The following AGAP1 variants were observed in gnomAD, a reference collection of about 807,000 sequenced individuals.
AGAP1 encodes the protein arf-GAP with GTPase, ANK repeat and PH domain-containing protein 1.
AGAP1 carries 29 observed loss-of-function variants against 105.3 expected under a neutral mutation model. That is an observed-to-expected ratio of 0.28 (90% CI 0.21 to 0.38). AGAP1 has a LOEUF of 0.38. Among genes scored for constraint, AGAP1 ranks in the 10% least tolerant of loss-of-function variants. The pLI, the probability that AGAP1 is intolerant of heterozygous loss-of-function variation, is 1.00. For synonymous variants in AGAP1, 509 were observed against 485.9 expected, an observed-to-expected ratio of 1.05 and a Z score of -0.63; for missense variants, 998 against 1,165.1, an observed-to-expected ratio of 0.86 and a Z score of 2.09.
In AGAP1 at chr2:236,042,101, A is replaced by G. The variant is rs1421272518; in HGVS notation, c.1891+1260A>G. On this transcript the variant is annotated intron_variant, in intron 15 of 17. Transcript: ENST00000304032. This position sits in a 1 kb window ranked among gnomAD's most constrained non-coding sequence, Gnocchi z 5.6. ...AGCAGAGAGACATCATTGGAGTTTT[A>G]GAGCAGGAAGGAGATGGACCCTGAG... 6.6e-6 allele frequency among the ~76,000 whole-genome samples: 1 copy of G among 152,190 alleles called. No homozygotes were observed. The highest frequency in any genetic ancestry group is 1.5e-5 in the Non-Finnish European group (1 of 68,038).
chr2:235,575,666 G>T (rs1293536521), intron 1 of AGAP1, among the ~76,000 whole-genome samples: 1 of 152,248 alleles, frequency 6.6e-6, no homozygotes, highest in Non-Finnish European at 1.5e-5. Context: ...CCTGGAACCT[G>T]GGAGAAAGGG....
intron 1 of AGAP1, among the ~76,000 whole-genome samples, chr2:235,521,105 A>G (rs953349608): frequency 6.6e-6 from 1 of 152,214 alleles, no homozygotes; most frequent in Non-Finnish European, 1.5e-5. Context: ...TACAATTCTC[A>G]GAAGACAGCT....
Position 235,862,491 on chromosome 2 carries a change from G to A in AGAP1, c.1051-20854G>A, listed in dbSNP as rs138155123. Among the ~76,000 whole-genome samples, 333 of 152,308 alleles carry A rather than the reference G, an allele frequency of 2.2e-3. 1 individual carries two copies. Among genetic ancestry groups the A allele is most frequent in the Middle Eastern group, 6.8e-3 (2 of 294 alleles). On this transcript the variant is annotated intron_variant, in intron 9 of 17. Coordinates refer to ENST00000304032, the MANE Select transcript of AGAP1 (RefSeq NM_001037131.3). ...CGTTCTCATCCGTAGCAGAGACTGC[G>A]TGGAGTGCTGTGTTGAGAAGGCTTC...
chr2:235,735,487 C>A (rs1279547729), intron 3 of AGAP1, among the ~76,000 whole-genome samples: 3 of 152,174 alleles, frequency 2.0e-5, no homozygotes, highest in African/African-American at 4.8e-5. Context: ...TTACTTCCCC[C>A]AGCACCCCAA....
chr2:235,731,765 C>A (rs1435886937), intron 3 of AGAP1, among the ~76,000 whole-genome samples: 1 of 152,168 alleles, frequency 6.6e-6, no homozygotes, highest in African/African-American at 2.4e-5. Context: ...GAAACAGAGG[C>A]ACCAGAGGCC....
At chr2:235,807,014 C>A (rs1414948863) in intron 8 of AGAP1, among the ~76,000 whole-genome samples, 1 of 152,114 alleles carries the variant, frequency 6.6e-6, no homozygotes, top group South Asian at 2.1e-4. Context: ...AAAGATAATT[C>A]TGTGGTGGAA....
At chr2:236,022,934 T>C (rs1270083870) in intron 13 of AGAP1, among the ~76,000 whole-genome samples, 1 of 152,246 alleles carries the variant, frequency 6.6e-6, no homozygotes, top group Non-Finnish European at 1.5e-5. Context: ...GCTGACATCT[T>C]AGTGTGTGAG....
chr2:235,958,305 G>C lies in AGAP1; in HGVS notation c.1484-10157G>C, dbSNP rs777239229. On this transcript the variant is annotated intron_variant, in intron 12 of 17. Coordinates refer to ENST00000304032, the MANE Select transcript of AGAP1 (RefSeq NM_001037131.3). The surrounding 1 kb of genome is among the most constrained non-coding windows in gnomAD (Gnocchi z 4.1). ...CCTGAAATCCAGGCTCCAGGGTCAG[G>C]GAAGATCTGACCCGGGAGAGGATTA... 6.6e-6 allele frequency among the ~76,000 whole-genome samples: 1 copy of C among 152,052 alleles called. No individual in the cohort carries two copies. The highest frequency in any genetic ancestry group is 1.5e-5 in the Non-Finnish European group (1 of 68,018).
At position 235,801,738 on chromosome 2, in the gene AGAP1, G is replaced by A. The variant is rs895701976; in HGVS notation, c.957+2216G>A. On this transcript the variant is annotated intron_variant, in intron 8 of 17. Coordinates refer to ENST00000304032, the MANE Select transcript of AGAP1 (RefSeq NM_001037131.3). This position sits in a 1 kb window ranked among gnomAD's most constrained non-coding sequence, Gnocchi z 6.0. ...CGGCCTGTGCCCCGGGAGGAGGGGC[G>A]GGCTTGTCATCGTGGTGGTCGAGAA... Among the ~76,000 whole-genome samples, 13 of 152,254 alleles carry A rather than the reference G, an allele frequency of 8.5e-5. No individual in the cohort carries two copies. Among genetic ancestry groups the A allele is most frequent in the Admixed American group, 3.3e-4 (5 of 15,310 alleles).
intron 16 of AGAP1, among the ~76,000 whole-genome samples, chr2:236,111,634 T>C (rs1158331366): frequency 3.3e-5 from 5 of 151,152 alleles, no homozygotes; most frequent in African/African-American, 1.2e-4. Context: ...CTACAAAAAG[T>C]ACAAAAAATT....
At position 235,927,762 on chromosome 2, in the gene AGAP1, G is replaced by C. The variant is rs141651501; in HGVS notation, c.1325-3003G>C. 6.6e-6 allele frequency among the ~76,000 whole-genome samples: 1 copy of C among 152,160 alleles called. No homozygotes were observed. Among genetic ancestry groups the C allele is most frequent in the African/African-American group, 2.4e-5 (1 of 41,440 alleles). On this transcript the variant is annotated intron_variant, in intron 11 of 17. Coordinates refer to ENST00000304032, the MANE Select transcript of AGAP1 (RefSeq NM_001037131.3). The surrounding 1 kb of genome is among the most constrained non-coding windows in gnomAD (Gnocchi z 4.4). ...AAGGTTTCTAGGCCTGGTTGTCATCGGAGAACCACTCTCCAGGGAGAAGGA... is the reference window on the plus strand; with the variant it reads ...AAGGTTTCTAGGCCTGGTTGTCATCCGAGAACCACTCTCCAGGGAGAAGGA...
chr2:235,882,867 C>T lies in AGAP1; in HGVS notation c.1051-478C>T, dbSNP rs13425774. Among the ~76,000 whole-genome samples the T allele has an allele frequency of 7.2e-4, 109 of 152,062 alleles. No individual in the cohort carries two copies. The highest frequency in any genetic ancestry group is 2.3e-3 in the African/African-American group (96 of 41,468). ...TCGCTTTGTCACCCAGGCTGGAGTA[C>T]GGTGGTACAATCATAGCTCACTGCC... On this transcript the variant is annotated intron_variant, in intron 9 of 17. Coordinates refer to ENST00000304032, the MANE Select transcript of AGAP1 (RefSeq NM_001037131.3). The surrounding 1 kb of genome is among the most constrained non-coding windows in gnomAD (Gnocchi z 4.6).
At position 235,960,613 on chromosome 2, in the gene AGAP1, T is replaced by C. The variant is rs1343599072; in HGVS notation, c.1484-7849T>C. Among the ~76,000 whole-genome samples the C allele has an allele frequency of 6.6e-6, 1 of 152,166 alleles. No individual in the cohort carries two copies. The highest frequency in any genetic ancestry group is 2.4e-5 in the African/African-American group (1 of 41,450). On this transcript the variant is annotated intron_variant, in intron 12 of 17. Transcript: ENST00000304032. The surrounding 1 kb of genome is among the most constrained non-coding windows in gnomAD (Gnocchi z 4.9). ...GAGATGCGATTCCCCTCTTCCTTCT[T>C]TGTTCAGGTAGCAGGGCCCAAGAAA...
chr2:236,077,137 A>AT (rs1559252192), intron 16 of AGAP1, among the ~76,000 whole-genome samples: 96 of 142,976 alleles, frequency 6.7e-4, no homozygotes, highest in African/African-American at 2.0e-3. Context: ...AAAAAAAAAA[A>AT]AAAAAATATA....
chr2:235,670,708 C>G, intron 1 of AGAP1: 2 of 766,114 alleles, frequency 2.6e-6, no homozygotes, highest in Non-Finnish European at 4.4e-6. Context: ...CCACGCAGCC[C>G]GCCTCGGAGA....
chr2:235,817,755 G>A (rs1958540095), intron 9 of AGAP1, among the ~76,000 whole-genome samples: 1 of 152,150 alleles, frequency 6.6e-6, no homozygotes, highest in Non-Finnish European at 1.5e-5. Flanking sequence ...GCCGGGCACG[G>A]TGGCGCATGC....
At chr2:235,584,809 A>G (rs760142318) in intron 1 of AGAP1, among the ~76,000 whole-genome samples, 2 of 148,330 alleles carry the variant, frequency 1.3e-5, no homozygotes, top group African/African-American at 2.5e-5. Flanking sequence ...TCCCTCTCCC[A>G]TTGCCACGTG....
intron 1 of AGAP1, among the ~76,000 whole-genome samples, chr2:235,495,148 C>G (rs1327463521): frequency 6.6e-6 from 1 of 152,176 alleles, no homozygotes; most frequent in Non-Finnish European, 1.5e-5. Context: ...CGGAGCGTCC[C>G]GGCCCAGCAG....
intron 9 of AGAP1, among the ~76,000 whole-genome samples, chr2:235,862,357 CG>C (rs142315249): frequency 1.3e-5 from 2 of 152,170 alleles, no homozygotes; most frequent in Non-Finnish European, 2.9e-5. Flanking sequence ...ATCAAAGTGG[CG>C]GTGGTAGTAA....
Sources: gnomAD v4.1 joint callset for allele counts (sites outside exome capture counted in the v4.1 genomes callset) on GRCh38, gnomAD v4.1.1 for gene constraint, Gnocchi (gnomAD v3.1) non-coding constraint, MANE v1.5 for transcripts, NCBI Gene and HGNC (gene_info 2026-07-23, HGNC 2026-07-21) for gene names.